Variants in LRRC72 observed in about 807,000 individuals in gnomAD.
LRRC72 encodes leucine rich repeat containing 72.
In LRRC72, 41 loss-of-function variants were observed where a neutral mutation model predicts 35.8. That is an observed-to-expected ratio of 1.15 (90% confidence interval 0.89 to 1.49). LRRC72 has a LOEUF of 1.49. Ranked by LOEUF, LRRC72 falls within the 40% of genes most tolerant of loss-of-function variation. The probability of loss-of-function intolerance (pLI) is 0.00; values close to 1 mark genes in which losing one functional copy is unlikely to be tolerated. For missense variants in LRRC72, 389 were observed against 330.7 expected, an observed-to-expected ratio of 1.18 and a Z score of -1.37; for synonymous variants, 118 against 119.2, an observed-to-expected ratio of 0.99 and a Z score of 0.07.
chr7:16,562,710 G>A (rs1193299185), intron 5 of LRRC72, among the ~76,000 whole-genome samples: 1 of 152,182 alleles, frequency 6.6e-6, no homozygotes, highest in African/African-American at 2.4e-5. Flanking sequence ...GAGGGACTAG[G>A]ATCTCCAGGG....
In LRRC72 at chr7:16,554,467, T is replaced by A. The variant is rs1782614201; in HGVS notation, c.235-2893T>A. Among the ~76,000 whole-genome samples the A allele has an allele frequency of 1.3e-5, 2 of 152,156 alleles. 1 individual carries two copies. The highest frequency in any genetic ancestry group is 1.3e-4 in the Admixed American group (2 of 15,286). On this transcript the variant is annotated intron_variant, in intron 3 of 8. Coordinates refer to ENST00000401542, the MANE Select transcript of LRRC72 (RefSeq NM_001195280.2). ...TTGAATTCTACCTTGAAATACTACCTCAATTTCCTCCACTTCTTTCTTCTC... is the reference window on the plus strand; with the variant it reads ...TTGAATTCTACCTTGAAATACTACCACAATTTCCTCCACTTCTTTCTTCTC...
chr7:16,552,016 G>A (rs909293402), intron 3 of LRRC72, among the ~76,000 whole-genome samples: 1 of 152,196 alleles, frequency 6.6e-6, no homozygotes, highest in Non-Finnish European at 1.5e-5. Context: ...TCAACTGGAG[G>A]ACACACAGTT....
intron 1 of LRRC72, chr7:16,530,047 C>G (rs1782134879): frequency 6.6e-6 from 1 of 152,022 alleles, no homozygotes; most frequent in Non-Finnish European, 1.5e-5. Context: ...CTGCCAATTA[C>G]TTTTTATTTA....
chr7:16,568,724 A>G (rs184159941), intron 7 of LRRC72, among the ~76,000 whole-genome samples: 2 of 152,280 alleles, frequency 1.3e-5, no homozygotes, highest in Admixed American at 1.3e-4. Context: ...AACAACAACA[A>G]CAACAAGAGT....
At chr7:16,569,111 T>C (rs1194313330) in intron 7 of LRRC72, among the ~76,000 whole-genome samples, 1 of 152,168 alleles carries the variant, frequency 6.6e-6, no homozygotes, top group Non-Finnish European at 1.5e-5. Context: ...CCGCCCTCCA[T>C]ATCTGACGCT....
intron 7 of LRRC72, among the ~76,000 whole-genome samples, chr7:16,569,415 T>TA (rs1782904842): frequency 6.6e-6 from 1 of 151,476 alleles, no homozygotes; most frequent in Non-Finnish European, 1.5e-5. Flanking sequence ...AACTCCATCT[T>TA]AAAAAACAAA....
At position 16,532,476 on chromosome 7, in the gene LRRC72, A is replaced by T; in HGVS notation, c.91-19A>T. On this transcript the variant is annotated intron_variant, in intron 1 of 8. Transcript: ENST00000401542. ...TGTTCATTGGAATGTAGTTTGACAG[A>T]TTAATTATATGTTATCAGGCAGTTG... The T allele has an allele frequency of 6.5e-7, 1 of 1,537,718 alleles. No homozygotes were observed. The highest frequency in any genetic ancestry group is 2.4e-5 in the East Asian group (1 of 40,846).
At chr7:16,576,244 C>T (rs1783038400) in intron 7 of LRRC72, among the ~76,000 whole-genome samples, 1 of 152,036 alleles carries the variant, frequency 6.6e-6, no homozygotes, top group African/African-American at 2.4e-5. Context: ...ATAAAACGCG[C>T]TATGTAAATT....
At chr7:16,566,084 T>C (rs1288617221) in intron 5 of LRRC72, among the ~76,000 whole-genome samples, 3 of 152,250 alleles carry the variant, frequency 2.0e-5, no homozygotes, top group East Asian at 3.8e-4. Flanking sequence ...GCACAGTTCC[T>C]AGTGGATAGT....
intron 5 of LRRC72, among the ~76,000 whole-genome samples, chr7:16,559,998 A>G (rs994418142): frequency 1.3e-5 from 2 of 152,194 alleles, no homozygotes; most frequent in South Asian, 4.1e-4. Context: ...GAAGTGTGAG[A>G]TGAGTCAAAA....
intron 7 of LRRC72, among the ~76,000 whole-genome samples, chr7:16,571,939 C>T (rs1782953427): frequency 6.6e-6 from 1 of 152,202 alleles, no homozygotes; most frequent in Non-Finnish European, 1.5e-5. Flanking sequence ...AAGCTAAGAT[C>T]CACTGGCTTG....
At chr7:16,530,191 T>C (rs771603464) in intron 1 of LRRC72, 3 of 152,200 alleles carry the variant, frequency 2.0e-5, no homozygotes, top group Non-Finnish European at 2.9e-5. Flanking sequence ...ACTCACTTGA[T>C]TACGGAGGCT....
At chr7:16,572,107 GAAGAACTC>G (rs1329660258) in intron 7 of LRRC72, among the ~76,000 whole-genome samples, 1 of 152,094 alleles carries the variant, frequency 6.6e-6, no homozygotes, top group Admixed American at 6.5e-5. Flanking sequence ...ACTAAACCAG[GAAGAACTC>G]AAATCCCTGA....
chr7:16,560,904 TA>T (rs898732357), intron 5 of LRRC72, among the ~76,000 whole-genome samples: 12 of 152,090 alleles, frequency 7.9e-5, no homozygotes, highest in African/African-American at 2.7e-4. Context: ...TCTTTCCTGT[TA>T]AAAAAATGAT....
intron 5 of LRRC72, among the ~76,000 whole-genome samples, chr7:16,563,544 A>G (rs952104919): frequency 2.6e-5 from 4 of 152,196 alleles, no homozygotes; most frequent in African/African-American, 9.6e-5. Context: ...CATGGTTTCT[A>G]AAAGAATGTG....
intron 3 of LRRC72, among the ~76,000 whole-genome samples, chr7:16,539,701 C>T (rs1418244885): frequency 6.7e-6 from 1 of 148,330 alleles, no homozygotes; most frequent in Non-Finnish European, 1.5e-5. Flanking sequence ...TGCCCTGCTT[C>T]CCAGCCACTC....
intron 3 of LRRC72, among the ~76,000 whole-genome samples, chr7:16,554,286 C>A (rs1304910959): frequency 6.6e-6 from 1 of 152,152 alleles, no homozygotes; most frequent in Non-Finnish European, 1.5e-5. Flanking sequence ...GCAGAGATTG[C>A]ACCATTGCAC....
intron 7 of LRRC72, among the ~76,000 whole-genome samples, chr7:16,575,921 T>G (rs1444808991): frequency 6.6e-6 from 1 of 152,260 alleles, no homozygotes; most frequent in Non-Finnish European, 1.5e-5. Context: ...GATCTACATT[T>G]CTTTTGTTTA....
intron 2 of LRRC72, among the ~76,000 whole-genome samples, chr7:16,533,476 CCTTA>C (rs1352468746): frequency 6.6e-6 from 1 of 152,048 alleles, no homozygotes; most frequent in Non-Finnish European, 1.5e-5. Context: ...ATTTTGTCCC[CCTTA>C]CTTTGTGCTT....
Sources: allele counts gnomAD v4.1 joint callset (sites outside exome capture counted in the v4.1 genomes callset), GRCh38; gene constraint gnomAD v4.1.1; transcripts MANE v1.5; gene names NCBI Gene and HGNC (gene_info 2026-07-23, HGNC 2026-07-21).